ADAMTS12: variants seen among roughly 807,000 people sequenced by gnomAD.
ADAMTS12 encodes the protein A disintegrin and metalloproteinase with thrombospondin motifs 12.
Under a neutral mutation model 167.8 loss-of-function variants are expected in ADAMTS12, and 118 were observed. That is an observed-to-expected ratio of 0.70 (90% CI 0.61 to 0.82). The LOEUF (loss-of-function observed/expected upper bound fraction) is 0.82. Ranked by LOEUF, ADAMTS12 falls within the 40% of genes least tolerant of loss-of-function variation. ADAMTS12 has a pLI of 0.00. For synonymous variants in ADAMTS12, 704 were observed against 716.9 expected (o/e 0.98, Z 0.29); for missense variants, 1,916 against 1,998.8 (o/e 0.96, Z 0.79).
At chr5:33,639,943 G>T (rs2112168952) in intron 11 of ADAMTS12, among the ~76,000 whole-genome samples, 1 of 152,286 alleles carries the variant, frequency 6.6e-6, no homozygotes, top group South Asian at 2.1e-4. Context: ...CCTTTAGGAG[G>T]TACCAAGAAT....
At chr5:33,728,631 G>T (rs1187103823) in intron 3 of ADAMTS12, among the ~76,000 whole-genome samples, 1 of 151,860 alleles carries the variant, frequency 6.6e-6, no homozygotes, top group Non-Finnish European at 1.5e-5. Context: ...GTTCCTTCTG[G>T]CCTCAGGCTC....
At chr5:33,882,664 T>G (rs1366795434) in intron 1 of ADAMTS12, among the ~76,000 whole-genome samples, 1 of 152,286 alleles carries the variant, frequency 6.6e-6, no homozygotes, top group East Asian at 1.9e-4. Flanking sequence ...TGATCTCGAC[T>G]CACCGCAACC....
At chr5:33,655,821 C>T (rs559243383) in intron 7 of ADAMTS12, among the ~76,000 whole-genome samples, 7 of 151,850 alleles carry the variant, frequency 4.6e-5, no homozygotes, top group African/African-American at 9.7e-5. Context: ...CCCTGAACCC[C>T]GACAGGCCCC....
chr5:33,551,489 A>G (rs1033769432), intron 20 of ADAMTS12, among the ~76,000 whole-genome samples: 11 of 152,350 alleles, frequency 7.2e-5, no homozygotes, highest in African/African-American at 2.2e-4. Context: ...AAAGCATGCT[A>G]ATAGCTTCCA....
rs116612688 is a variant in ADAMTS12, at chr5:33,556,391, G to A, written c.4125+4636C>T. 7.6e-3 allele frequency among the ~76,000 whole-genome samples: 1,152 copies of A among 152,136 alleles called. 19 individuals are homozygous for A. Among genetic ancestry groups the A allele is most frequent in the African/African-American group, 0.026 (1,083 of 41,416 alleles). On this transcript the variant is annotated intron_variant, in intron 20 of 23. Transcript: ENST00000504830. ...TTTTGTTTCAGACAGATTAATGCACGAAGAGGAGGAAAGCCACTGTGATAA... is the reference window on the plus strand; with the variant it reads ...TTTTGTTTCAGACAGATTAATGCACAAAGAGGAGGAAAGCCACTGTGATAA...
chr5:33,785,593 T>C (rs891643441), intron 2 of ADAMTS12, among the ~76,000 whole-genome samples: 17 of 152,256 alleles, frequency 1.1e-4, no homozygotes, highest in African/African-American at 4.1e-4. Flanking sequence ...ATCAGGGAAA[T>C]GCAACTTAAA....
chr5:33,675,015 C>T (rs943268646), intron 5 of ADAMTS12, among the ~76,000 whole-genome samples: 14 of 152,120 alleles, frequency 9.2e-5, no homozygotes, highest in Non-Finnish European at 1.8e-4. Flanking sequence ...GCCCTATTTT[C>T]TCTCTCTGTC....
chr5:33,558,781 A>G (rs1011464562), intron 20 of ADAMTS12, among the ~76,000 whole-genome samples: 4 of 152,266 alleles, frequency 2.6e-5, no homozygotes, highest in African/African-American at 9.6e-5. Flanking sequence ...TGGCAAGCTC[A>G]GGGATATGAG....
chr5:33,750,587 CA>C (rs1744938926), intron 3 of ADAMTS12, among the ~76,000 whole-genome samples: 4 of 152,180 alleles, frequency 2.6e-5, no homozygotes, highest in African/African-American at 7.2e-5. Context: ...CTTTTGTTAA[CA>C]GCCCCTCTGG....
At chr5:33,561,335 C>T (rs561550040) in intron 19 of ADAMTS12, among the ~76,000 whole-genome samples, 156 bp from the exon 20 acceptor site, 1 of 152,356 alleles carries the variant, frequency 6.6e-6, no homozygotes, top group African/African-American at 2.4e-5. Flanking sequence ...CCCACTCACA[C>T]AAATTAATCT....
Position 33,793,923 on chromosome 5 carries a change from G to A in ADAMTS12, c.490-42375C>T, listed in dbSNP as rs1174691709. On this transcript the variant is annotated intron_variant, in intron 2 of 23. Coordinates refer to ENST00000504830, the MANE Select transcript of ADAMTS12 (RefSeq NM_030955.4). ...CTGCATGCCCGATTTGCACTCTCCC[G>A]CAAGTTCTGGTCAGGAGGCTTCTCG... 2.0e-5 allele frequency among the ~76,000 whole-genome samples: 3 copies of A among 152,090 alleles called. No homozygotes were observed. In the East Asian group the frequency reaches 5.8e-4, roughly 29 times the overall value.
chr5:33,615,885 T>G lies in ADAMTS12; in HGVS notation c.2331A>C (p.Lys777Asn), dbSNP rs1286340354. ...TGGCCATCAGCTTTTCCAGGTCTCC[T>G]TTCCTGTCATACTGAAAGACAGTCC... Reference protein sequence around the residue: ...LAGTVFQYDRKGDLEKLMATG... With the variant: ...LAGTVFQYDRNGDLEKLMATG... The change falls in exon 15 of 24, where the codon AAA becomes AAC. Residue 777 changes from lysine to asparagine, a missense_variant. Transcript: ENST00000504830. 1 of 1,614,152 alleles carries G rather than the reference T, an allele frequency of 6.2e-7. No homozygotes were observed. Among genetic ancestry groups the G allele is most frequent in the Non-Finnish European group, 8.5e-7 (1 of 1,180,014 alleles).
intron 3 of ADAMTS12, among the ~76,000 whole-genome samples, chr5:33,732,365 A>C (rs1744223422): frequency 6.6e-6 from 1 of 152,214 alleles, no homozygotes; most frequent in African/African-American, 2.4e-5. Flanking sequence ...AGAGATAAAA[A>C]AATTAAAGAT....
intron 19 of ADAMTS12, among the ~76,000 whole-genome samples, chr5:33,575,545 C>T (rs1168486855): frequency 1.3e-5 from 2 of 152,160 alleles, no homozygotes; most frequent in African/African-American, 4.8e-5. Context: ...GTTCTCCTTC[C>T]CTATATATAA....
intron 22 of ADAMTS12, among the ~76,000 whole-genome samples, chr5:33,538,562 T>C (rs1251005273): frequency 6.6e-6 from 1 of 152,164 alleles, no homozygotes; most frequent in Non-Finnish European, 1.5e-5. Context: ...ATATTAGCCC[T>C]CTAAGGGGAG....
intron 18 of ADAMTS12, among the ~76,000 whole-genome samples, chr5:33,586,402 C>A (rs1198291331): frequency 6.6e-6 from 1 of 152,192 alleles, no homozygotes; most frequent in East Asian, 1.9e-4. Context: ...ATTGGCCCAG[C>A]CTTTCTGCTC....
At chr5:33,619,902 C>T (rs140345148) in intron 14 of ADAMTS12, among the ~76,000 whole-genome samples, 5,274 of 152,254 alleles carry the variant, frequency 0.035, 121 homozygotes, top group Non-Finnish European at 0.05. Context: ...ACCACGTTGG[C>T]CAGGATGGTC....
chr5:33,782,806 T>C (rs1746184488), intron 2 of ADAMTS12, among the ~76,000 whole-genome samples: 1 of 152,016 alleles, frequency 6.6e-6, no homozygotes, highest in South Asian at 2.1e-4. Context: ...CTGGCAAAAT[T>C]GAGGATAAAA....
chr5:33,828,859 C>T lies in ADAMTS12; in HGVS notation c.489+52260G>A, dbSNP rs557636412. Among the ~76,000 whole-genome samples, 13 of 152,240 alleles carry T rather than the reference C, an allele frequency of 8.5e-5. No individual in the cohort carries two copies. In the South Asian group the frequency reaches 1.5e-3, roughly 17 times the overall value. ...AGAAGGGGTAAAGGGAGGGCTCTGT[C>T]GCAGTAGATTCTGCCCTGAACATCC... On this transcript the variant is annotated intron_variant, in intron 2 of 23. Coordinates refer to ENST00000504830, the MANE Select transcript of ADAMTS12 (RefSeq NM_030955.4).
Sources: gnomAD v4.1 joint callset for allele counts (sites outside exome capture counted in the v4.1 genomes callset) on GRCh38, gnomAD v4.1.1 for gene constraint, MANE v1.5 for transcripts, NCBI Gene and HGNC (gene_info 2026-07-23, HGNC 2026-07-21) for gene names.